The following GALNT13 variants were observed in gnomAD, a reference collection of about 807,000 sequenced individuals.
The protein encoded by GALNT13 is polypeptide N-acetylgalactosaminyltransferase 13, also known as UDP-GalNAc:polypeptide N-acetylgalactosaminyltransferase 13.
Under a neutral mutation model 64.2 loss-of-function variants are expected in GALNT13, and 28 were observed. The ratio of observed to expected loss-of-function variants is 0.44; its 90% CI spans 0.32 to 0.60. The LOEUF is 0.60. Among genes scored for constraint, GALNT13 ranks in the 20% least tolerant of loss-of-function variants. The probability of loss-of-function intolerance (pLI) is 0.05; values close to 1 mark genes in which losing one functional copy is unlikely to be tolerated. For synonymous variants in GALNT13, 214 were observed against 224.6 expected, an observed-to-expected ratio of 0.95 and a Z score of 0.42; for missense variants, 577 against 669.8, an observed-to-expected ratio of 0.86 and a Z score of 1.53.
chr2:153,378,308 ATAAT>A, the GALNT13 span, among the ~76,000 whole-genome samples: 166 of 117,750 alleles, frequency 1.4e-3, no homozygotes, highest in Middle Eastern at 9.4e-3. Context: ...AGATAGATAG[ATAAT>A]TTTTTTTTTT....
the GALNT13 span, among the ~76,000 whole-genome samples, chr2:153,604,577 G>A: frequency 6.6e-6 from 1 of 151,958 alleles, no homozygotes; most frequent in Non-Finnish European, 1.5e-5. Flanking sequence ...TAAACCTGCT[G>A]GAAAATATTG....
chr2:154,154,746 T>C (rs1399399870), intron 4 of GALNT13, among the ~76,000 whole-genome samples: 1 of 152,164 alleles, frequency 6.6e-6, no homozygotes, highest in Non-Finnish European at 1.5e-5. Context: ...TATTTGTATG[T>C]GTAAGTATTT....
chr2:154,134,274 A>G lies in GALNT13; in HGVS notation c.143-6063A>G, dbSNP rs557348160. Among the ~76,000 whole-genome samples, 87 of 152,208 alleles carry G rather than the reference A, an allele frequency of 5.7e-4. 2 individuals carry two copies. Among genetic ancestry groups the G allele is most frequent in the Non-Finnish European group, 1.1e-3 (77 of 68,038 alleles). ...GATGTAAAAGAGCTATAAAATTATG[A>G]AAGAGAGTTATCTTACCTGAAAGTT... is the stretch of plus-strand genomic sequence containing the variant. On this transcript the variant is annotated intron_variant, in intron 3 of 12. Coordinates refer to ENST00000392825, the MANE Select transcript of GALNT13 (RefSeq NM_052917.4).
At chr2:154,398,654 G>A (rs1442780374) in intron 10 of GALNT13, among the ~76,000 whole-genome samples, 1 of 152,168 alleles carries the variant, frequency 6.6e-6, no homozygotes, top group East Asian at 1.9e-4. Flanking sequence ...GTCAAGCATA[G>A]GAGGGTTCAA....
At chr2:153,853,748 A>G in the GALNT13 span, among the ~76,000 whole-genome samples, 1 of 150,050 alleles carries the variant, frequency 6.7e-6, no homozygotes, top group African/African-American at 2.4e-5. Context: ...ATTGTATAAT[A>G]TAATTATACA....
the GALNT13 span, among the ~76,000 whole-genome samples, chr2:153,181,799 T>A: frequency 3.6e-4 from 53 of 145,994 alleles, no homozygotes; most frequent in Non-Finnish European, 3.5e-4. Context: ...ATTATATAAA[T>A]ATACTTACAT....
At chr2:153,536,096 G>C in the GALNT13 span, among the ~76,000 whole-genome samples, 1 of 152,252 alleles carries the variant, frequency 6.6e-6, no homozygotes, top group East Asian at 1.9e-4. Context: ...TAAGAATAGA[G>C]TACGCTGACA....
rs1249183142 is a variant in GALNT13, at chr2:154,298,572, A to AC, written c.976-2837_976-2836insC. Among the ~76,000 whole-genome samples the AC allele has an allele frequency of 6.1e-4, 46 of 74,848 alleles. 5 individuals carry two copies. Among genetic ancestry groups the AC allele is most frequent in the African/African-American group, 2.0e-3 (40 of 19,962 alleles). 49.1% of individuals were successfully genotyped at this position (74,848 alleles called of 152,430 possible). The stretch of plus-strand genomic sequence containing the variant: ...TAAATTGTATATATAATTTATATAT[A>AC]AATTGTATATATAATTTATATATAC... On this transcript the variant is annotated intron_variant, in intron 8 of 12. Transcript: ENST00000392825.
the GALNT13 span, among the ~76,000 whole-genome samples, chr2:153,588,082 T>C: frequency 3.3e-5 from 5 of 152,218 alleles, no homozygotes; most frequent in Non-Finnish European, 7.3e-5. Context: ...ATGCAAAAGA[T>C]GGTTCTCATG....
At chr2:153,630,680 A>T in the GALNT13 span, among the ~76,000 whole-genome samples, 12 of 143,786 alleles carry the variant, frequency 8.3e-5, no homozygotes, top group African/African-American at 3.0e-4. Context: ...TAAAAAATTA[A>T]AAAAAATTAA....
At chr2:153,399,850 T>A in the GALNT13 span, among the ~76,000 whole-genome samples, 2 of 151,858 alleles carry the variant, frequency 1.3e-5, no homozygotes, top group South Asian at 2.1e-4. Context: ...TTTCTAGATA[T>A]ACAATCATGT....
At chr2:154,317,610 G>A (rs563296394) in intron 9 of GALNT13, among the ~76,000 whole-genome samples, 7 of 152,158 alleles carry the variant, frequency 4.6e-5, no homozygotes, top group Non-Finnish European at 8.8e-5. Flanking sequence ...GACTCAGCAC[G>A]AGAATCTTCT....
the GALNT13 span, among the ~76,000 whole-genome samples, chr2:153,426,140 A>T: frequency 6.6e-6 from 1 of 151,920 alleles, no homozygotes; most frequent in Non-Finnish European, 1.5e-5. Flanking sequence ...AAAGCTCTAT[A>T]AACACAGCCA....
chr2:153,523,721 A>G, the GALNT13 span, among the ~76,000 whole-genome samples: 2,194 of 152,224 alleles, frequency 0.014, 54 homozygotes, highest in African/African-American at 0.05. Context: ...TTGACTCTTG[A>G]ATTTTATATA....
chr2:154,354,617 CT>C (rs748220614), intron 9 of GALNT13, among the ~76,000 whole-genome samples: 68 of 105,562 alleles, frequency 6.4e-4, no homozygotes, highest in African/African-American at 6.5e-4. Flanking sequence ...TTCAATCTCA[CT>C]TTTTTTTTTT....
At chr2:153,182,509 T>C in the GALNT13 span, among the ~76,000 whole-genome samples, 3 of 152,194 alleles carry the variant, frequency 2.0e-5, no homozygotes, top group Non-Finnish European at 4.4e-5. Context: ...CATAGGTAAA[T>C]GTGTTCCATG....
chr2:153,686,302 T>A, the GALNT13 span, among the ~76,000 whole-genome samples: 1 of 152,106 alleles, frequency 6.6e-6, no homozygotes, highest in Non-Finnish European at 1.5e-5. Flanking sequence ...TCCATTTGTT[T>A]GTGTCATCTG....
intron 3 of GALNT13, among the ~76,000 whole-genome samples, chr2:153,971,444 C>T (rs1205650103): frequency 6.6e-6 from 1 of 152,106 alleles, no homozygotes; most frequent in African/African-American, 2.4e-5. Flanking sequence ...GCGCTTGACA[C>T]ATCAGATATG....
the GALNT13 span, among the ~76,000 whole-genome samples, chr2:153,819,354 A>G: frequency 3.9e-5 from 6 of 152,266 alleles, no homozygotes; most frequent in East Asian, 9.7e-4. Context: ...TGTGCATATG[A>G]ACTAGGAGTC....
Sources: allele counts gnomAD v4.1 joint callset (sites outside exome capture counted in the v4.1 genomes callset), GRCh38; gene constraint gnomAD v4.1.1; transcripts MANE v1.5; gene names NCBI Gene and HGNC (gene_info 2026-07-23, HGNC 2026-07-21).